The following KLHL32 variants were observed in gnomAD, a reference collection of about 807,000 sequenced individuals.
KLHL32 encodes the protein kelch-like protein 32.
In KLHL32, 35 loss-of-function variants were observed where a neutral mutation model predicts 64.8. The ratio of observed to expected loss-of-function variants is 0.54; its 90% CI spans 0.41 to 0.72. The LOEUF is 0.72. Among genes scored for constraint, KLHL32 ranks in the 30% least tolerant of loss-of-function variants. KLHL32 has a pLI of 0.00. For synonymous variants in KLHL32, 259 were observed against 281.0 expected, an observed-to-expected ratio of 0.92 and a Z score of 0.78; for missense variants, 589 against 768.5, an observed-to-expected ratio of 0.77 and a Z score of 2.76.
chr6:96,948,862 T>C (rs1562183595), intron 1 of KLHL32, among the ~76,000 whole-genome samples: 2 of 152,086 alleles, frequency 1.3e-5, no homozygotes, highest in Admixed American at 6.6e-5. Flanking sequence ...CATACTCCAC[T>C]CTCCTCCTCT....
chr6:97,127,265 T>G, intron 7 of KLHL32, 139 bp from the exon 8 acceptor site: 3 of 650,540 alleles, frequency 4.6e-6, no homozygotes, highest in Non-Finnish European at 8.1e-6. Context: ...GCTTCTTAAT[T>G]ATGTCATGGG....
chr6:96,957,887 A>G (rs1192349559), intron 1 of KLHL32, among the ~76,000 whole-genome samples: 2 of 152,240 alleles, frequency 1.3e-5, no homozygotes, highest in Admixed American at 1.3e-4. Flanking sequence ...TTCGTAATAC[A>G]AACTAAAACA....
In KLHL32 at chr6:97,111,954, A is replaced by G. The variant is rs141554500; in HGVS notation, c.628-1829A>G. 8.3e-4 allele frequency among the ~76,000 whole-genome samples: 126 copies of G among 151,848 alleles called. 1 individual carries two copies. In the Middle Eastern group the frequency reaches 0.014, roughly 16 times the overall value. On this transcript the variant is annotated intron_variant, in intron 6 of 10. Transcript: ENST00000369261. ...TCTCCAACTATAGTCTCTGACATTT[A>G]GCTGCTGCTTCTCCTCTTGATGTTC... is the stretch of plus-strand genomic sequence containing the variant.
intron 6 of KLHL32, among the ~76,000 whole-genome samples, chr6:97,089,922 G>A (rs1160926242): frequency 3.9e-5 from 6 of 152,248 alleles, no homozygotes; most frequent in East Asian, 1.9e-4. Flanking sequence ...TGTGAGTGGC[G>A]TCAAACAAGG....
chr6:96,994,759 A>C lies in KLHL32; in HGVS notation c.204+18582A>C, dbSNP rs1178086895. ...CCAGATAATAATGCTTTAAAAAATAACAAAAATGTTAGGCTTAATTTAAGC... is the reference window on the plus strand; with the variant it reads ...CCAGATAATAATGCTTTAAAAAATACCAAAAATGTTAGGCTTAATTTAAGC... On this transcript the variant is annotated intron_variant, in intron 3 of 10. Coordinates refer to ENST00000369261, the MANE Select transcript of KLHL32 (RefSeq NM_052904.4). 5 of 521,510 alleles carry C rather than the reference A, an allele frequency of 9.6e-6. No individual in the cohort carries two copies. In the African/African-American group the frequency reaches 1.0e-4, roughly 11 times the overall value. The allele number at this position is 521,510 out of a possible 1,614,324, so 32.3% of individuals were successfully genotyped here. A position where few individuals can be genotyped will look rare whatever the true frequency, so the allele number is the denominator to read the frequency against.
intron 6 of KLHL32, among the ~76,000 whole-genome samples, chr6:97,089,463 A>G (rs1793895894): frequency 6.6e-6 from 1 of 152,194 alleles, no homozygotes; most frequent in Non-Finnish European, 1.5e-5. Context: ...ACTTTTAGTG[A>G]GAACTTATTA....
intron 1 of KLHL32, among the ~76,000 whole-genome samples, chr6:96,926,131 A>C (rs1393938327): frequency 6.6e-6 from 1 of 152,218 alleles, no homozygotes; most frequent in Non-Finnish European, 1.5e-5. Flanking sequence ...TACACTTTGC[A>C]CGAATTTCAT....
intron 7 of KLHL32, among the ~76,000 whole-genome samples, chr6:97,121,940 A>G (rs1472004816): frequency 6.6e-6 from 1 of 152,238 alleles, no homozygotes; most frequent in African/African-American, 2.4e-5. Flanking sequence ...CATGAAAGAC[A>G]GACAGAGGTG....
chr6:96,909,560 A>G, the KLHL32 span, among the ~76,000 whole-genome samples: 3 of 152,248 alleles, frequency 2.0e-5, no homozygotes, highest in Non-Finnish European at 2.9e-5. Context: ...TCTTAGCTCC[A>G]TAATGGACAA....
At chr6:97,036,654 G>A (rs1331984369) in intron 3 of KLHL32, among the ~76,000 whole-genome samples, 1 of 152,232 alleles carries the variant, frequency 6.6e-6, no homozygotes, top group Admixed American at 6.5e-5. Context: ...TGAGGAATGT[G>A]CAGGGGCACT....
chr6:96,916,588 G>A, the KLHL32 span, among the ~76,000 whole-genome samples: 1 of 152,092 alleles, frequency 6.6e-6, no homozygotes, highest in South Asian at 2.1e-4. Context: ...TGAGTCCTTG[G>A]GTCAAACTGC....
intron 6 of KLHL32, among the ~76,000 whole-genome samples, chr6:97,106,134 G>T (rs1345595127): frequency 1.3e-5 from 2 of 152,144 alleles, no homozygotes; most frequent in Non-Finnish European, 2.9e-5. Flanking sequence ...TTCTGTCTGA[G>T]TGTGTTTCAC....
intron 6 of KLHL32, among the ~76,000 whole-genome samples, chr6:97,112,661 G>A (rs1797302914): frequency 6.6e-6 from 1 of 151,600 alleles, no homozygotes; most frequent in African/African-American, 2.4e-5. Flanking sequence ...TGGCCAGGCT[G>A]GACTCAAACC....
chr6:97,114,580 T>A, intron 7 of KLHL32, 71 bp downstream of exon 7: 1 of 1,561,420 alleles, frequency 6.4e-7, no homozygotes, highest in Non-Finnish European at 8.7e-7. Flanking sequence ...AGTCAAGCTT[T>A]AATACTGTGG....
chr6:97,082,078 A>G (rs1792626691), intron 5 of KLHL32, among the ~76,000 whole-genome samples: 1 of 152,204 alleles, frequency 6.6e-6, no homozygotes, highest in African/African-American at 2.4e-5. Flanking sequence ...TTGTGAAAAG[A>G]GAGGATTGAG....
intron 1 of KLHL32, among the ~76,000 whole-genome samples, chr6:96,947,655 T>C (rs1170156099): frequency 6.6e-6 from 1 of 152,210 alleles, no homozygotes; most frequent in East Asian, 1.9e-4. Flanking sequence ...TTTTGTACTC[T>C]GGCATAATAA....
intron 3 of KLHL32, among the ~76,000 whole-genome samples, chr6:97,027,382 G>A (rs1782886541): frequency 6.6e-6 from 1 of 152,170 alleles, no homozygotes. Flanking sequence ...ATCAGATTGG[G>A]CAGGTAAGAA....
At chr6:97,020,552 C>T (rs564288009) in intron 3 of KLHL32, among the ~76,000 whole-genome samples, 3 of 150,946 alleles carry the variant, frequency 2.0e-5, no homozygotes, top group South Asian at 4.1e-4. Flanking sequence ...ATAGCTGATT[C>T]CTATATTACA....
intron 3 of KLHL32, among the ~76,000 whole-genome samples, chr6:97,025,930 C>T (rs1782662120): frequency 6.6e-6 from 1 of 152,134 alleles, no homozygotes; most frequent in Admixed American, 6.6e-5. Context: ...TTGCTATTGT[C>T]ATTGTTCTCA....
Sources: gnomAD v4.1 joint callset for allele counts (sites outside exome capture counted in the v4.1 genomes callset) on GRCh38, gnomAD v4.1.1 for gene constraint, MANE v1.5 for transcripts, NCBI Gene and HGNC (gene_info 2026-07-23, HGNC 2026-07-21) for gene names.